HECTD2: variants seen among roughly 807,000 people sequenced by gnomAD.
HECTD2 encodes the protein probable E3 ubiquitin-protein ligase HECTD2.
A neutral mutation model predicts 103.2 loss-of-function variants in HECTD2; 35 were observed. That is an observed-to-expected ratio of 0.34 (90% CI 0.26 to 0.45). The LOEUF is 0.45. HECTD2 is among the 20% of genes least tolerant of loss of function. The pLI, the probability that HECTD2 is intolerant of heterozygous loss-of-function variation, is 1.00. For missense variants in HECTD2, 596 were observed against 937.4 expected (o/e 0.64, Z 4.76); for synonymous variants, 281 against 329.9 (o/e 0.85, Z 1.61).
At chr10:91,502,452 C>T (rs1350518370) in intron 20 of HECTD2, among the ~76,000 whole-genome samples, 1 of 152,162 alleles carries the variant, frequency 6.6e-6, no homozygotes, top group African/African-American at 2.4e-5. Flanking sequence ...CCATGTTGCA[C>T]TTTATATCTG....
chr10:91,420,445 T>C (rs980960302), intron 1 of HECTD2, among the ~76,000 whole-genome samples: 14 of 145,598 alleles, frequency 9.6e-5, no homozygotes, highest in African/African-American at 3.2e-4. Context: ...AAAAAAAAGC[T>C]GGGCATGGTG....
chr10:91,487,908 C>A lies in HECTD2; in HGVS notation c.1191+130C>A, dbSNP rs567980694. ...TGTTAAAAGCAAAATTCGTGTTATA[C>A]TCACCCAAAAAGTGCTTAAAAACTA... On this transcript the variant is annotated intron_variant, in intron 11 of 20. Transcript: ENST00000298068. The surrounding 1 kb of genome is among the most constrained non-coding windows in gnomAD (Gnocchi z 4.1). The A allele has an allele frequency of 8.8e-6, 5 of 570,014 alleles. No individual in the cohort carries two copies. Among genetic ancestry groups the A allele is most frequent in the Non-Finnish European group, 1.5e-5 (5 of 331,564 alleles). 35.3% of individuals were successfully genotyped at this position (570,014 alleles called of 1,614,324 possible). A position where few individuals can be genotyped will look rare whatever the true frequency, so the allele number is the denominator to read the frequency against.
chr10:91,499,780 G>C (rs1846821018), intron 18 of HECTD2, among the ~76,000 whole-genome samples: 1 of 152,186 alleles, frequency 6.6e-6, no homozygotes, highest in Non-Finnish European at 1.5e-5. Context: ...AGGGATTGGA[G>C]TAAGATCTTT....
intron 20 of HECTD2, among the ~76,000 whole-genome samples, chr10:91,511,463 A>G (rs1048319727): frequency 6.6e-6 from 1 of 152,136 alleles, no homozygotes; most frequent in Non-Finnish European, 1.5e-5. Flanking sequence ...TTTTGTGTAT[A>G]TCACTCTTTT....
chr10:91,464,537 G>A (rs560365580), intron 5 of HECTD2: 43 of 154,656 alleles, frequency 2.8e-4, no homozygotes, highest in African/African-American at 8.9e-4. Context: ...CTTGGCCTCC[G>A]AAAGTGTTGG....
intron 5 of HECTD2, among the ~76,000 whole-genome samples, chr10:91,474,763 G>A (rs1410698937): frequency 3.3e-5 from 5 of 152,174 alleles, no homozygotes; most frequent in Non-Finnish European, 5.9e-5. Context: ...CAAATGTGAA[G>A]AAAGATAATT....
At chr10:91,433,622 G>C (rs1843991029) in intron 2 of HECTD2, among the ~76,000 whole-genome samples, 1 of 151,978 alleles carries the variant, frequency 6.6e-6, no homozygotes, top group African/African-American at 2.4e-5. Flanking sequence ...TCATTATTTT[G>C]TTATTGCAGA....
chr10:91,409,763 G>C (rs1017715722), upstream of HECTD2, among the ~76,000 whole-genome samples: 1 of 152,114 alleles, frequency 6.6e-6, no homozygotes, highest in Non-Finnish European at 1.5e-5. Flanking sequence ...GCCTCTCCTG[G>C]GCTCAGGAGG....
At chr10:91,497,882 A>C (rs1846746842) in intron 15 of HECTD2, among the ~76,000 whole-genome samples, 1 of 152,170 alleles carries the variant, frequency 6.6e-6, no homozygotes, top group African/African-American at 2.4e-5. Flanking sequence ...AGTAGACCCC[A>C]GAGTTATGCC....
rs984050522 is a variant in HECTD2, at chr10:91,462,123, T to C, written c.539T>C (p.Ile180Thr). The part of the protein sequence containing the change: ...KKDATASFNT[I>T]EDSGINAKFV... Reference sequence around the variant, plus strand: ...GATGCCACTGCCTCATTTAACACCATTGAAGACTCTGGGATTAATGCTAAA... The same window carrying C: ...GATGCCACTGCCTCATTTAACACCACTGAAGACTCTGGGATTAATGCTAAA... Residue 180 changes from isoleucine to threonine, a missense_variant, in exon 5 of 21, where the codon ATT becomes ACT. Transcript: ENST00000298068. The C allele has an allele frequency of 1.3e-6, 2 of 1,596,400 alleles. No individual in the cohort carries two copies. The highest frequency in any genetic ancestry group is 1.7e-6 in the Non-Finnish European group (2 of 1,165,928).
At chr10:91,501,396 A>G (rs1846894444) in intron 20 of HECTD2, 62 bp downstream of exon 20, 4 of 1,053,192 alleles carry the variant, frequency 3.8e-6, no homozygotes, top group African/African-American at 3.2e-5. Flanking sequence ...TGCTAATGAT[A>G]ATACATTTGG....
At position 91,496,865 on chromosome 10, in the gene HECTD2, AAAATT is replaced by A. The variant is rs766964526; in HGVS notation, c.1680+499_1680+503del. On this transcript the variant is annotated intron_variant, in intron 15 of 20. Coordinates refer to ENST00000298068, the MANE Select transcript of HECTD2 (RefSeq NM_182765.6). ...AAAATAAAACTTTAATTTTTTCATA[AAAATT>A]AAATTGAAAATTTTGAAATATTGGA... Among the ~76,000 whole-genome samples the A allele has an allele frequency of 1.2e-3, 178 of 152,040 alleles. No homozygotes were observed. In the Middle Eastern group the frequency reaches 0.027, roughly 23 times the overall value.
In HECTD2 at chr10:91,494,548, A is replaced by G. The variant is rs1301690695; in HGVS notation, c.1521+1040A>G. On this transcript the variant is annotated intron_variant, in intron 14 of 20. Transcript: ENST00000298068. The stretch of plus-strand genomic sequence containing the variant: ...TTGGAATAAATTATGAGACATATAT[A>G]TGGAAACTGAGAGACCAGATTAATA... Among the ~76,000 whole-genome samples, 5 of 152,060 alleles carry G rather than the reference A, an allele frequency of 3.3e-5. No individual in the cohort carries two copies. In the South Asian group the frequency reaches 6.2e-4, roughly 19 times the overall value.
upstream of HECTD2, chr10:91,410,279 C>T: frequency 5.0e-6 from 1 of 200,692 alleles, no homozygotes; most frequent in Non-Finnish European, 8.8e-6. Context: ...CGGGCTCGCG[C>T]GCAAAGGCGC....
At chr10:91,491,138 A>G (rs1466166542) in intron 11 of HECTD2, 62 bp from the exon 12 acceptor site, 3 of 763,300 alleles carry the variant, frequency 3.9e-6, no homozygotes, top group Non-Finnish European at 6.8e-6. Flanking sequence ...AAGTGTTTAA[A>G]TGTTTTAAAT....
upstream of HECTD2, chr10:91,409,313 TGGA>T (rs1842823774): frequency 6.6e-6 from 1 of 152,232 alleles, no homozygotes; most frequent in East Asian, 1.9e-4. Context: ...GTCCTGGTGG[TGGA>T]GGTGGGGGGT....
At chr10:91,431,231 G>T (rs1843852141) in intron 2 of HECTD2, among the ~76,000 whole-genome samples, 1 of 151,910 alleles carries the variant, frequency 6.6e-6, no homozygotes, top group Non-Finnish European at 1.5e-5. Context: ...GGCTTGTAGA[G>T]TTTCTGCCGA....
chr10:91,427,632 A>T lies in HECTD2; in HGVS notation c.268+2222A>T, dbSNP rs1317610890. 2.6e-5 allele frequency among the ~76,000 whole-genome samples: 4 copies of T among 152,100 alleles called. No homozygotes were observed. The East Asian group carries it at 5.8e-4, about 22-fold the overall frequency. ...ATCATTTTTTCATGTGTTTTTTGGC[A>T]GCATAAATGTCTTCTTTTGAGAAGT... is the stretch of plus-strand genomic sequence containing the variant. On this transcript the variant is annotated intron_variant, in intron 2 of 20. Transcript: ENST00000298068.
intron 6 of HECTD2, among the ~76,000 whole-genome samples, chr10:91,479,228 T>C (rs994100820): frequency 4.6e-5 from 7 of 152,300 alleles, no homozygotes; most frequent in South Asian, 2.1e-4. Flanking sequence ...GCCTTCACTT[T>C]TTATATAGCA....
Sources: allele counts gnomAD v4.1 joint callset (sites outside exome capture counted in the v4.1 genomes callset), GRCh38; gene constraint gnomAD v4.1.1; non-coding constraint Gnocchi (gnomAD v3.1); transcripts MANE v1.5; gene names NCBI Gene and HGNC (gene_info 2026-07-23, HGNC 2026-07-21).